SCN11A: variants seen among roughly 807,000 people sequenced by gnomAD.
The protein encoded by SCN11A is sodium channel protein type 11 subunit alpha.
A neutral mutation model predicts 162.2 loss-of-function variants in SCN11A; 122 were observed. The ratio of observed to expected loss-of-function variants is 0.75; its 90% CI spans 0.65 to 0.87. The LOEUF (loss-of-function observed/expected upper bound fraction) is 0.87, where lower values mean the gene tolerates loss of function less well. Ranked by LOEUF, SCN11A falls within the 40% of genes least tolerant of loss-of-function variation. SCN11A has a pLI of 0.00. For missense variants in SCN11A, 2,015 were observed against 2,181.6 expected (o/e 0.92, Z 1.52); for synonymous variants, 758 against 751.5 (o/e 1.01, Z -0.14).
At chr3:38,877,083 CTA>C (rs1414329406) in intron 23 of SCN11A, among the ~76,000 whole-genome samples, 4 of 39,844 alleles carry the variant, frequency 1.0e-4, no homozygotes, top group Non-Finnish European at 1.0e-4. Flanking sequence ...GGTGTATATA[CTA>C]TATATATGGT....
intron 11 of SCN11A, among the ~76,000 whole-genome samples, chr3:38,912,934 G>A (rs947464428): frequency 1.4e-4 from 22 of 152,256 alleles, no homozygotes; most frequent in South Asian, 2.1e-4. Flanking sequence ...GTGCTGCAAT[G>A]AACATGCATG....
intron 2 of SCN11A, among the ~76,000 whole-genome samples, chr3:38,971,440 C>T (rs1373582211): frequency 6.6e-6 from 1 of 152,138 alleles, no homozygotes; most frequent in African/African-American, 2.4e-5. Context: ...AGGTAAAGGG[C>T]CTTACTAACT....
At chr3:39,022,815 G>T (rs1276107032) in intron 2 of SCN11A, among the ~76,000 whole-genome samples, 5 of 151,992 alleles carry the variant, frequency 3.3e-5, no homozygotes, top group East Asian at 1.9e-4. Flanking sequence ...GGATGCAGAG[G>T]TTGCAGTGAG....
chr3:38,958,151 G>T (rs1011177438), intron 3 of SCN11A, among the ~76,000 whole-genome samples: 6 of 152,214 alleles, frequency 3.9e-5, no homozygotes, highest in Non-Finnish European at 8.8e-5. Context: ...TCCCCACTCT[G>T]CTCAGTGATG....
At chr3:38,946,195 A>C (rs750836321) in intron 6 of SCN11A, among the ~76,000 whole-genome samples, 2 of 152,198 alleles carry the variant, frequency 1.3e-5, no homozygotes, top group Non-Finnish European at 2.9e-5. Context: ...GCTGGTGTTC[A>C]GCCACAAGAG....
At chr3:38,938,386 T>C (rs1674378723) in intron 7 of SCN11A, among the ~76,000 whole-genome samples, 1 of 147,852 alleles carries the variant, frequency 6.8e-6, no homozygotes, top group African/African-American at 2.5e-5. Context: ...ATAATAATAA[T>C]AAAATAAAAA....
Position 38,910,048 on chromosome 3 carries a change from A to G in SCN11A, c.1101+18T>C. ...GGAGGGAGGGAGAGAGGAAAAAGAG[A>G]GACTATAAATAGATAACCTGTTGAT... On this transcript the variant is annotated intron_variant, in intron 12 of 29. Transcript: ENST00000302328. The G allele has an allele frequency of 6.2e-7, 1 of 1,610,754 alleles. No individual in the cohort carries two copies. Among genetic ancestry groups the G allele is most frequent in the Non-Finnish European group, 8.5e-7 (1 of 1,178,578 alleles).
At chr3:38,990,823 G>T (rs2030429328) in intron 2 of SCN11A, among the ~76,000 whole-genome samples, 1 of 152,116 alleles carries the variant, frequency 6.6e-6, no homozygotes, top group South Asian at 2.1e-4. Flanking sequence ...GCAGGATGTG[G>T]AGCCAGAAAG....
At chr3:38,907,549 A>G in intron 14 of SCN11A, among the ~76,000 whole-genome samples, 1 of 151,776 alleles carries the variant, frequency 6.6e-6, no homozygotes, top group South Asian at 2.1e-4. Context: ...ATCTACTTGC[A>G]TTGTAATGTC....
intron 2 of SCN11A, among the ~76,000 whole-genome samples, chr3:38,987,303 TCA>T (rs57092499): frequency 0.027 from 2,832 of 104,296 alleles, 48 homozygotes; most frequent in African/African-American, 0.049. Context: ...TCTCTCTCTC[TCA>T]CACACACACA....
At chr3:39,017,796 A>G (rs1355644706) in intron 2 of SCN11A, among the ~76,000 whole-genome samples, 1 of 152,224 alleles carries the variant, frequency 6.6e-6, no homozygotes, top group Non-Finnish European at 1.5e-5. Context: ...CCTACTAATT[A>G]TAATACCTAT....
chr3:38,901,780 C>T (rs1348618847), intron 16 of SCN11A, among the ~76,000 whole-genome samples: 1 of 152,150 alleles, frequency 6.6e-6, no homozygotes, highest in East Asian at 1.9e-4. Flanking sequence ...GGAGTAGGCC[C>T]ATGGAATGGA....
rs535725226 is a variant in SCN11A, at chr3:38,951,162, G to C, written c.-7-793C>G. The stretch of plus-strand genomic sequence containing the variant: ...CAGGGAGGTGTGGAGGGAGAGGCGC[G>C]AGCGGGAACCGGGGCTGCACCCGGC... On this transcript the variant is annotated intron_variant, in intron 4 of 29. Transcript: ENST00000302328. 5.4e-3 allele frequency among the ~76,000 whole-genome samples: 818 copies of C among 152,352 alleles called. 9 individuals are homozygous for C. The highest frequency in any genetic ancestry group is 0.019 in the African/African-American group (776 of 41,590).
intron 2 of SCN11A, among the ~76,000 whole-genome samples, chr3:38,976,161 T>C (rs1036381803): frequency 2.0e-5 from 3 of 152,218 alleles, no homozygotes; most frequent in African/African-American, 4.8e-5. Flanking sequence ...ATTGTTTTCA[T>C]ATTGGATTTA....
chr3:39,021,915 C>T (rs1471399127), intron 2 of SCN11A, among the ~76,000 whole-genome samples: 4 of 152,108 alleles, frequency 2.6e-5, no homozygotes, highest in African/African-American at 9.7e-5. Context: ...ATGATGGGAT[C>T]GGGGGTTCAG....
At chr3:38,977,314 G>A (rs892001129) in intron 2 of SCN11A, among the ~76,000 whole-genome samples, 2 of 152,044 alleles carry the variant, frequency 1.3e-5, no homozygotes, top group African/African-American at 2.4e-5. Context: ...CCCTGTACAC[G>A]CCACATCTGA....
chr3:38,995,839 A>ATCTATCTATCTATCTATCTATCTC (rs1227759294), intron 2 of SCN11A, among the ~76,000 whole-genome samples: 2 of 151,898 alleles, frequency 1.3e-5, no homozygotes, highest in African/African-American at 4.8e-5. Context: ...CTATCTATCT[A>ATCTATCTATCTATCTATCTATCTC]TCTATCTATA....
intron 5 of SCN11A, 73 bp from the exon 6 acceptor site, chr3:38,946,980 T>A: frequency 1.2e-6 from 1 of 858,460 alleles, no homozygotes; most frequent in East Asian, 2.5e-5. Flanking sequence ...GACAAAACAA[T>A]ATTTATCATG....
At chr3:38,908,943 G>A in intron 13 of SCN11A, 54 bp downstream of exon 13, 1 of 1,545,622 alleles carries the variant, frequency 6.5e-7, no homozygotes, top group Non-Finnish European at 8.9e-7. Context: ...ATTGCCTCTG[G>A]GGACCCCTTC....
Sources: gnomAD v4.1 joint callset for allele counts (sites outside exome capture counted in the v4.1 genomes callset) on GRCh38, gnomAD v4.1.1 for gene constraint, MANE v1.5 for transcripts, NCBI Gene and HGNC (gene_info 2026-07-23, HGNC 2026-07-21) for gene names.